The following CPD variants were observed in gnomAD, a reference collection of about 807,000 sequenced individuals.
CPD encodes metallocarboxypeptidase D.
Under a neutral mutation model 138.3 loss-of-function variants are expected in CPD, and 69 were observed. The observed-to-expected ratio is 0.50, with a 90% CI of 0.41 to 0.61. CPD has a LOEUF of 0.61. CPD is among the 20% of genes least tolerant of loss of function. The pLI is 0.00. For missense variants in CPD, 1,432 were observed against 1,733.3 expected (o/e 0.83, Z 3.09); for synonymous variants, 651 against 642.1 (o/e 1.01, Z -0.21).
intron 20 of CPD, among the ~76,000 whole-genome samples, chr17:30,464,234 T>TAA (rs758273064): frequency 6.6e-6 from 1 of 150,612 alleles, no homozygotes; most frequent in Non-Finnish European, 1.5e-5. Context: ...CTAGCAAAAA[T>TAA]AAAAAAAAAT....
At chr17:30,391,913 G>T (rs1911365916) in intron 2 of CPD, among the ~76,000 whole-genome samples, 1 of 151,704 alleles carries the variant, frequency 6.6e-6, no homozygotes, top group South Asian at 2.1e-4. Context: ...ACACAACCAT[G>T]CCTGGTATAT....
At chr17:30,384,839 CCTT>C in intron 1 of CPD, 147 bp from the exon 2 acceptor site, 1 of 801,204 alleles carries the variant, frequency 1.2e-6, no homozygotes, top group African/African-American at 1.7e-5. Flanking sequence ...TTGTTAGTCT[CCTT>C]ATAACAGATA....
At chr17:30,452,460 T>G (rs1913191887) in intron 14 of CPD, among the ~76,000 whole-genome samples, 1 of 150,724 alleles carries the variant, frequency 6.6e-6, no homozygotes, top group Non-Finnish European at 1.5e-5. Context: ...TTAGTAGAGA[T>G]GGGGTTTTAT....
Position 30,443,895 on chromosome 17 carries a change from G to A in CPD, c.2467G>A (p.Val823Met), listed in dbSNP as rs934479553. Reference protein sequence around the residue: ...TISVAEINHPVTTYKTGDYWR... With the variant: ...TISVAEINHPMTTYKTGDYWR... ...TAGTGTTGCTGAGATTAATCACCCAGTGACTACTTACAAAACTGGAGATTA... is the reference window on the plus strand; with the variant it reads ...TAGTGTTGCTGAGATTAATCACCCAATGACTACTTACAAAACTGGAGATTA... Residue 823 changes from valine to methionine, a missense_variant, in exon 11 of 21, where the codon GTG becomes ATG. By Grantham distance (21) the Val-to-Met change is conservative (BLOSUM62 1). Coordinates refer to ENST00000225719, the MANE Select transcript of CPD (RefSeq NM_001304.5). 6.2e-7 allele frequency: 1 copy of A among 1,613,984 alleles called. No individual in the cohort carries two copies. Among genetic ancestry groups the A allele is most frequent in the African/African-American group, 1.3e-5 (1 of 75,042 alleles).
intron 2 of CPD, among the ~76,000 whole-genome samples, chr17:30,414,909 ATGTACAAGTC>A (rs1912065715): frequency 6.6e-6 from 1 of 152,188 alleles, no homozygotes. Context: ...AGGCAGTTGG[ATGTACAAGTC>A]TGGAGTCTGG....
In CPD at chr17:30,422,803, A is replaced by G. The variant is rs936314305; in HGVS notation, c.1437A>G (p.Thr479=). Residue 479 remains threonine, a synonymous_variant, in exon 5 of 21, where the codon ACA becomes ACG. Transcript: ENST00000225719. ...DTTEAVSTAS[T]VAIPNILSGT... is the part of the protein sequence containing the mutation. ...CAGAGGCTGTATCAACTGCTAGCAC[A>G]GTTGCTATACCTAATATTCTTTCTG... The G allele has an allele frequency of 8.7e-6, 14 of 1,614,104 alleles. No individual in the cohort carries two copies. In the Admixed American group the frequency reaches 1.2e-4, roughly 13 times the overall value.
At chr17:30,396,619 T>C (rs1189471851) in intron 2 of CPD, among the ~76,000 whole-genome samples, 1 of 152,222 alleles carries the variant, frequency 6.6e-6, no homozygotes, top group East Asian at 1.9e-4. Flanking sequence ...TTAGTTGTGC[T>C]ACAAATCGAT....
intron 13 of CPD, chr17:30,450,333 T>C (rs1913134402): frequency 2.6e-5 from 4 of 152,440 alleles, no homozygotes; most frequent in Admixed American, 1.3e-4. Context: ...ATGCTGTGAT[T>C]ACAGGCGTGA....
chr17:30,441,894 C>T (rs1213048005), intron 9 of CPD, among the ~76,000 whole-genome samples: 4 of 149,068 alleles, frequency 2.7e-5, no homozygotes, highest in Non-Finnish European at 5.9e-5. Context: ...TGTCTCTGCC[C>T]GGCTTTGGTA....
intron 13 of CPD, among the ~76,000 whole-genome samples, chr17:30,450,057 CTTT>C (rs931263363): frequency 3.6e-5 from 5 of 137,844 alleles, no homozygotes; most frequent in Admixed American, 7.3e-5. Context: ...TAGTTCTTTA[CTTT>C]TTTTTTTTTT....
Position 30,427,399 on chromosome 17 carries a change from A to G in CPD, c.1858A>G (p.Ile620Val). The G allele has an allele frequency of 2.5e-6, 4 of 1,613,994 alleles. No homozygotes were observed. Among genetic ancestry groups the G allele is most frequent in the African/African-American group, 1.3e-5 (1 of 75,046 alleles). The change falls in exon 7 of 21, where the codon ATA becomes GTA. Residue 620 changes from isoleucine (I) to valine (V), a missense_variant. Ile to Val is a conservative substitution (Grantham distance 29). Around this residue, in one of 6 missense-constraint regions of CPD, gnomAD observed 297 missense variants for 405.3 expected, o/e 0.73. Coordinates refer to ENST00000225719, the MANE Select transcript of CPD (RefSeq NM_001304.5). ...GYEKSQEGDS[I>V]SVIGRNNSNN... ...TTTATCATATCATACAGGAGATTCAATAAGTGTAATTGGCAGAAACAACAG... is the reference window on the plus strand; with the variant it reads ...TTTATCATATCATACAGGAGATTCAGTAAGTGTAATTGGCAGAAACAACAG...
intron 2 of CPD, among the ~76,000 whole-genome samples, chr17:30,413,052 C>A (rs891171135): frequency 7.9e-5 from 12 of 152,128 alleles, no homozygotes; most frequent in Non-Finnish European, 1.5e-4. Context: ...TTTATGTGTT[C>A]TCTGTTTTGC....
rs1029935142 is a variant in CPD at position 30,379,202 on chromosome 17, G to C, written c.222G>C (p.Ala74=). 1.3e-6 allele frequency: 2 copies of C among 1,529,934 alleles called. No homozygotes were observed. Among genetic ancestry groups the C allele is most frequent in the African/African-American group, 1.4e-5 (1 of 70,822 alleles). The allele number at this position is 1,529,934 out of a possible 1,614,324, so 94.8% of individuals were successfully genotyped here. ...CGGCGCTGAGGGAGGCGGCGGCCGC[G>C]GGCCTCCCCGGCCTGGCCCGCCTCT... The part of the protein sequence containing the change: ...LESALREAAA[A]GLPGLARLFS... Residue 74 remains alanine (A), a synonymous_variant, in exon 1 of 21, where the codon GCG becomes GCC. Transcript: ENST00000225719. This position sits in a 1 kb window ranked among gnomAD's most constrained non-coding sequence, Gnocchi z 7.0.
intron 13 of CPD, among the ~76,000 whole-genome samples, chr17:30,451,033 G>A (rs1913153342): frequency 6.6e-6 from 1 of 152,170 alleles, no homozygotes; most frequent in South Asian, 2.1e-4. Context: ...TACATATTTT[G>A]TGCTGGGTAA....
intron 8 of CPD, among the ~76,000 whole-genome samples, chr17:30,433,835 C>G (rs1269699801): frequency 6.6e-6 from 1 of 152,232 alleles, no homozygotes; most frequent in Non-Finnish European, 1.5e-5. Context: ...TGTGAGTTCA[C>G]TAAGATTCTG....
chr17:30,407,907 A>G (rs1186115215), intron 2 of CPD, among the ~76,000 whole-genome samples: 4 of 152,110 alleles, frequency 2.6e-5, no homozygotes, highest in Admixed American at 1.3e-4. Flanking sequence ...TATGTCCTCA[A>G]TGGTATTGCC....
chr17:30,396,682 C>T (rs1911516952), intron 2 of CPD, among the ~76,000 whole-genome samples: 1 of 152,136 alleles, frequency 6.6e-6, no homozygotes, highest in Admixed American at 6.5e-5. Context: ...ATTTAGCTAT[C>T]CGTAACAATT....
At position 30,443,918 on chromosome 17, in the gene CPD, T is replaced by C; in HGVS notation, c.2490T>C (p.Asp830=). The C allele has an allele frequency of 6.2e-7, 1 of 1,613,970 alleles. No individual in the cohort carries two copies. The highest frequency in any genetic ancestry group is 8.5e-7 in the Non-Finnish European group (1 of 1,179,888). ...CAGTGACTACTTACAAAACTGGAGA[T>C]TACTGGCGTCTCTTGGTTCCAGGAA... is the stretch of plus-strand genomic sequence containing the variant. ...NHPVTTYKTG[D]YWRLLVPGTY... The change falls in exon 11 of 21, where the codon GAT becomes GAC. Residue 830 remains aspartate (D), a synonymous_variant. Coordinates refer to ENST00000225719, the MANE Select transcript of CPD (RefSeq NM_001304.5).
intron 2 of CPD, among the ~76,000 whole-genome samples, chr17:30,401,307 T>C (rs1232003042): frequency 6.6e-6 from 1 of 151,746 alleles, no homozygotes; most frequent in Non-Finnish European, 1.5e-5. Flanking sequence ...CTCTTACTCC[T>C]CTTCCTCTTC....
Sources: gnomAD v4.1 joint callset for allele counts (sites outside exome capture counted in the v4.1 genomes callset) on GRCh38, gnomAD v4.1.1 for gene constraint, gnomAD v4.1.1 regional missense constraint, Gnocchi (gnomAD v3.1) non-coding constraint, MANE v1.5 for transcripts, NCBI Gene and HGNC (gene_info 2026-07-23, HGNC 2026-07-21) for gene names.